The following PNMA3 variants were observed in gnomAD, a reference collection of about 807,000 sequenced individuals.
PNMA3 encodes PNMA family member 3, also known as paraneoplastic antigen Ma3.
A neutral mutation model predicts 25.1 loss-of-function variants in PNMA3; 10 were observed. The observed-to-expected ratio is 0.40, with a 90% CI of 0.25 to 0.68. The LOEUF is 0.68. PNMA3 is among the 30% of genes least tolerant of loss of function. The pLI is 0.40. For missense variants in PNMA3, 317 were observed against 372.1 expected, an observed-to-expected ratio of 0.85 and a Z score of 1.22; for synonymous variants, 134 against 148.7, an observed-to-expected ratio of 0.90 and a Z score of 0.72.
Position 153,058,549 on chromosome X carries a change from A to T in PNMA3, c.*102A>T, listed in dbSNP as rs2051160918. 2 of 1,200,938 alleles carry T rather than the reference A, an allele frequency of 1.7e-6. No homozygotes were observed. Among genetic ancestry groups the T allele is most frequent in the Non-Finnish European group, 2.2e-6 (2 of 890,182 alleles). Reference sequence around the variant, plus strand: ...GCCCAGACAAACAGCAGATGAGTTGAGTGGGGCAGAGGGACAGGGCAGCCA... The same window carrying T: ...GCCCAGACAAACAGCAGATGAGTTGTGTGGGGCAGAGGGACAGGGCAGCCA... On this transcript the variant is annotated 3_prime_UTR_variant, in exon 2 of 2. Transcript: ENST00000593810.
chrX:153,057,835 A>G lies in PNMA3; in HGVS notation c.780A>G (p.Ala260=), dbSNP rs781930445. The G allele has an allele frequency of 1.2e-5, 15 of 1,211,423 alleles. No homozygotes were observed. In the East Asian group the frequency reaches 3.6e-4, roughly 29 times the overall value. Residue 260 remains alanine (A), a synonymous_variant, in exon 2 of 2, where the codon GCA becomes GCG. Coordinates refer to ENST00000593810, the MANE Select transcript of PNMA3 (RefSeq NM_013364.6). The part of the protein sequence containing the change: ...QVKLCKAYQE[A]GEKVSSFVLR... Reference sequence around the variant, plus strand: ...AGTTGTGTAAAGCCTATCAGGAGGCAGGAGAGAAAGTATCTAGCTTTGTGT... The same window carrying G: ...AGTTGTGTAAAGCCTATCAGGAGGCGGGAGAGAAAGTATCTAGCTTTGTGT...
rs1423903240 is a variant in PNMA3, at chrX:153,057,342, G to A, written c.287G>A (p.Arg96His). Residue 96 changes from arginine to histidine, a missense_variant, in exon 2 of 2, where the codon CGT becomes CAT. Coordinates refer to ENST00000593810, the MANE Select transcript of PNMA3 (RefSeq NM_013364.6). Reference protein sequence around the residue: ...GGPWEVIVKPRNSDGEFLNRL... With the variant: ...GGPWEVIVKPHNSDGEFLNRL... The stretch of plus-strand genomic sequence containing the variant: ...CCCTGGGAAGTGATTGTAAAACCCC[G>A]TAACTCAGATGGGGAATTTCTCAAC... The A allele has an allele frequency of 5.8e-6, 7 of 1,210,546 alleles. No individual in the cohort carries two copies. In the African/African-American group the frequency reaches 7.0e-5, roughly 12 times the overall value.
Position 153,058,338 on chromosome X carries a change from T to C in PNMA3, c.1283T>C (p.Ile428Thr), listed in dbSNP as rs148136883. ...GEDGHIRVQC[I>T]NPSNLLLVKQ... Reference sequence around the variant, plus strand: ...GACGGCCACATCAGGGTACAGTGCATCAACCCCTCCAACCTGCTCTTGGTA... The same window carrying C: ...GACGGCCACATCAGGGTACAGTGCACCAACCCCTCCAACCTGCTCTTGGTA... The change falls in exon 2 of 2, where the codon ATC (isoleucine) becomes ACC (threonine). Residue 428 changes from isoleucine to threonine, a missense_variant. Physicochemically the swap from Ile to Thr is moderately conservative, Grantham distance 89 (BLOSUM62 -1). Coordinates refer to ENST00000593810, the MANE Select transcript of PNMA3 (RefSeq NM_013364.6). 31 of 1,210,470 alleles carry C rather than the reference T, an allele frequency of 2.6e-5. No individual in the cohort carries two copies. In the African/African-American group the frequency reaches 4.7e-4, roughly 18 times the overall value.
At position 153,057,028 on chromosome X, in the gene PNMA3, A is replaced by G. The variant is rs1556932020; in HGVS notation, c.-28A>G. 8.4e-7 allele frequency: 1 copy of G among 1,195,939 alleles called. No homozygotes were observed. Among genetic ancestry groups the G allele is most frequent in the Non-Finnish European group, 1.1e-6 (1 of 887,714 alleles). ...GCCTCACGCCCTGATCACTCCCCCC[A>G]AATTAGTATCCGCAGAGATTCGAGG... On this transcript the variant is annotated 5_prime_UTR_variant, in exon 2 of 2. Coordinates refer to ENST00000593810, the MANE Select transcript of PNMA3 (RefSeq NM_013364.6).
At position 153,056,980 on chromosome X, in the gene PNMA3, C is replaced by T; in HGVS notation, c.-76C>T. 1 of 1,160,948 alleles carries T rather than the reference C, an allele frequency of 8.6e-7. No homozygotes were observed. Among genetic ancestry groups the T allele is most frequent in the African/African-American group, 1.8e-5 (1 of 56,621 alleles). ...GGAGACCTGGGCCTTCTGCGATCAC[C>T]CTAGGAGTTGATCCAGATATGTGCC... is the stretch of plus-strand genomic sequence containing the variant. On this transcript the variant is annotated 5_prime_UTR_variant, in exon 2 of 2. Transcript: ENST00000593810.
Position 153,058,696 on chromosome X carries a change from C to A in PNMA3, c.*249C>A. The A allele has an allele frequency of 1.1e-6, 1 of 928,701 alleles. No individual in the cohort carries two copies. Among genetic ancestry groups the A allele is most frequent in the Non-Finnish European group, 1.5e-6 (1 of 677,264 alleles). The allele number at this position is 928,701 out of a possible 1,213,427, so 76.5% of individuals were successfully genotyped here. A position where few individuals can be genotyped will look rare whatever the true frequency, so the allele number is the denominator to read the frequency against. ...CCCGAAGAGGTGCTGGAGAGGAAAG[C>A]AGGGAGCCACTGCATCCAGCACATG... On this transcript the variant is annotated 3_prime_UTR_variant, in exon 2 of 2. Coordinates refer to ENST00000593810, the MANE Select transcript of PNMA3 (RefSeq NM_013364.6).
At position 153,057,928 on chromosome X, in the gene PNMA3, G is replaced by C. The variant is rs981989541; in HGVS notation, c.873G>C (p.Gln291His). ...TGGTATCACGTAGAAACGTGAATCA[G>C]ACTCGCCTGAAACGAGTCTTAAGTG... Reference protein sequence around the residue: ...NNVVSRRNVNQTRLKRVLSGA... With the variant: ...NNVVSRRNVNHTRLKRVLSGA... Residue 291 changes from glutamine (Q) to histidine (H), a missense_variant, in exon 2 of 2, where the codon CAG becomes CAC. Gln to His is a conservative substitution (Grantham distance 24). Transcript: ENST00000593810. 2 of 1,212,577 alleles carry C rather than the reference G, an allele frequency of 1.6e-6. No individual in the cohort carries two copies. Among genetic ancestry groups the C allele is most frequent in the Non-Finnish European group, 2.2e-6 (2 of 895,691 alleles).
In PNMA3 at chrX:153,058,389, A is replaced by G. The variant is rs1387128649; in HGVS notation, c.1334A>G (p.Glu445Gly). 1.7e-6 allele frequency: 2 copies of G among 1,210,755 alleles called. No individual in the cohort carries two copies. The highest frequency in any genetic ancestry group is 2.2e-6 in the Non-Finnish European group (2 of 895,316). The part of the protein sequence containing the change: ...LVKQKKQAAV[E>G]SGNGNWAWDK... The stretch of plus-strand genomic sequence containing the variant: ...AAGCAGAAGAAACAGGCTGCAGTTG[A>G]GTCGGGAAACGGGAACTGGGCTTGG... Residue 445 changes from glutamate (E) to glycine (G), a missense_variant, in exon 2 of 2, where the codon GAG (glutamate) becomes GGG (glycine). By Grantham distance (98) the Glu-to-Gly change is moderately conservative (BLOSUM62 -2). Coordinates refer to ENST00000593810, the MANE Select transcript of PNMA3 (RefSeq NM_013364.6).
intron 1 of PNMA3, 50 bp from the exon 2 acceptor site, chrX:153,056,900 G>T: frequency 1.4e-6 from 1 of 720,338 alleles, no homozygotes; most frequent in South Asian, 3.8e-5. Context: ...GGATGTGGGC[G>T]TGCGGAGAGG....
chrX:153,057,828 A>G lies in PNMA3; in HGVS notation c.773A>G (p.Gln258Arg), dbSNP rs1296168015. 8.2e-7 allele frequency: 1 copy of G among 1,212,529 alleles called. No individual in the cohort carries two copies. Among genetic ancestry groups the G allele is most frequent in the African/African-American group, 1.7e-5 (1 of 58,018 alleles). The change falls in exon 2 of 2, where the codon CAG (glutamine) becomes CGG (arginine). Residue 258 changes from glutamine to arginine, a missense_variant. By Grantham distance (43) the Gln-to-Arg change is conservative (BLOSUM62 1). Coordinates refer to ENST00000593810, the MANE Select transcript of PNMA3 (RefSeq NM_013364.6). ...CAGGTGAAGTTGTGTAAAGCCTATC[A>G]GGAGGCAGGAGAGAAAGTATCTAGC... ...IAQVKLCKAY[Q>R]EAGEKVSSFV...
chrX:153,056,864 CTGGGGGTGGGGG>C lies in PNMA3; in HGVS notation c.-106-75_-106-64del, dbSNP rs1410324060. On this transcript the variant is annotated intron_variant, in intron 1 of 1. Transcript: ENST00000593810. Reference sequence around the variant, plus strand: ...AGGCGCCGCCCGGGGAGGAGGGCGGCTGGGGGTGGGGGTGGGGGTGGGCGTGGATGTGGGCGT... The same window carrying C: ...AGGCGCCGCCCGGGGAGGAGGGCGGCTGGGGGTGGGCGTGGATGTGGGCGT... The C allele has an allele frequency of 6.9e-5, 25 of 363,572 alleles. No homozygotes were observed. In the Admixed American group the frequency reaches 7.3e-4, roughly 11 times the overall value. The allele number at this position is 363,572 out of a possible 1,213,427, so 30.0% of individuals were successfully genotyped here.
rs1275390680 is a variant in PNMA3 at position 153,059,874 on chromosome X, C to T, written c.*1427C>T. ...GCTGTGTGTGTTCTTCTCTGAGCAG[C>T]TCCTCCCCGGAGTCCCCCAGCACAG... On this transcript the variant is annotated 3_prime_UTR_variant, in exon 2 of 2. Transcript: ENST00000593810. The T allele has an allele frequency of 3.2e-5, 4 of 123,510 alleles. No homozygotes were observed. The Admixed American group carries it at 3.7e-4, about 12-fold the overall frequency. 10.2% of individuals were successfully genotyped at this position (123,510 alleles called of 1,213,427 possible). A position where few individuals can be genotyped will look rare whatever the true frequency, so the allele number is the denominator to read the frequency against.
chrX:153,059,382 A>G lies in PNMA3; in HGVS notation c.*935A>G, dbSNP rs1369667006. The G allele has an allele frequency of 2.4e-5, 3 of 123,507 alleles. No individual in the cohort carries two copies. Among genetic ancestry groups the G allele is most frequent in the Non-Finnish European group, 5.6e-5 (3 of 53,326 alleles). The allele number at this position is 123,507 out of a possible 1,213,427, so 10.2% of individuals were successfully genotyped here. A position where few individuals can be genotyped will look rare whatever the true frequency, so the allele number is the denominator to read the frequency against. ...CAATGCCAATTCCAAGGCCAGCCACAACCCTGCCACCTTGGGGAATCCAGC... is the reference window on the plus strand; with the variant it reads ...CAATGCCAATTCCAAGGCCAGCCACGACCCTGCCACCTTGGGGAATCCAGC... On this transcript the variant is annotated 3_prime_UTR_variant, in exon 2 of 2. Transcript: ENST00000593810.
Position 153,057,126 on chromosome X carries a change from T to G in PNMA3, c.71T>G (p.Leu24Arg). Reference sequence around the variant, plus strand: ...AACACCCGGAGGTGCATGCTCATCCTGGGGATCCCCGAGGACTGTGGCGAG... The same window carrying G: ...AACACCCGGAGGTGCATGCTCATCCGGGGGATCCCCGAGGACTGTGGCGAG... ...HLNTRRCMLI[L>R]GIPEDCGEDE... is the part of the protein sequence containing the mutation. The change falls in exon 2 of 2, where the codon CTG becomes CGG. Residue 24 changes from leucine to arginine, a missense_variant. Coordinates refer to ENST00000593810, the MANE Select transcript of PNMA3 (RefSeq NM_013364.6). 2 of 1,212,098 alleles carry G rather than the reference T, an allele frequency of 1.7e-6. No individual in the cohort carries two copies. Among genetic ancestry groups the G allele is most frequent in the Non-Finnish European group, 2.2e-6 (2 of 895,542 alleles).
rs782433636 is a variant in PNMA3, at chrX:153,057,863, C to T, written c.808C>T (p.Arg270Cys). 8.2e-7 allele frequency: 1 copy of T among 1,212,442 alleles called. No homozygotes were observed. Among genetic ancestry groups the T allele is most frequent in the Admixed American group, 2.2e-5 (1 of 46,145 alleles). The change falls in exon 2 of 2, where the codon CGT becomes TGT. Residue 270 changes from arginine to cysteine, a missense_variant. Arg to Cys is a radical substitution (Grantham distance 180). Transcript: ENST00000593810. ...AGAGAAAGTATCTAGCTTTGTGTTA[C>T]GTTTGGAACCCCTGCTCCAAAGAGC... The part of the protein sequence containing the change: ...AGEKVSSFVL[R>C]LEPLLQRAVE...
At position 153,057,661 on chromosome X, in the gene PNMA3, G is replaced by T. The variant is rs200243171; in HGVS notation, c.606G>T (p.Arg202Ser). Residue 202 changes from arginine to serine, a missense_variant, in exon 2 of 2, where the codon AGG becomes AGT. Coordinates refer to ENST00000593810, the MANE Select transcript of PNMA3 (RefSeq NM_013364.6). ...QMWQVPEGEKRRRLMECLRGP... is the reference protein window; with the variant it reads ...QMWQVPEGEKSRRLMECLRGP... ...GGCAGGTGCCCGAGGGGGAAAAGAG[G>T]CGGAGGCTGATGGAATGCTTACGGG... is the stretch of plus-strand genomic sequence containing the variant. 175 of 1,210,064 alleles carry T rather than the reference G, an allele frequency of 1.4e-4. No homozygotes were observed. Among genetic ancestry groups the T allele is most frequent in the Non-Finnish European group, 1.9e-4 (174 of 895,215 alleles).
Position 153,059,853 on chromosome X carries a change from T to C in PNMA3, c.*1406T>C, listed in dbSNP as rs1200659849. The stretch of plus-strand genomic sequence containing the variant: ...GTGGCTGCTTGTTCTTGTGGAGCTG[T>C]GTGTGTTCTTCTCTGAGCAGCTCCT... On this transcript the variant is annotated 3_prime_UTR_variant, in exon 2 of 2. Coordinates refer to ENST00000593810, the MANE Select transcript of PNMA3 (RefSeq NM_013364.6). 1 of 123,216 alleles carries C rather than the reference T, an allele frequency of 8.1e-6. No individual in the cohort carries two copies. The highest frequency in any genetic ancestry group is 1.9e-5 in the Non-Finnish European group (1 of 53,193). 10.2% of individuals were successfully genotyped at this position (123,216 alleles called of 1,213,427 possible). A position where few individuals can be genotyped will look rare whatever the true frequency, so the allele number is the denominator to read the frequency against.
In PNMA3 at chrX:153,057,844, A is replaced by G. The variant is rs782807119; in HGVS notation, c.789A>G (p.Lys263=). 1.6e-6 allele frequency: 2 copies of G among 1,212,470 alleles called. No individual in the cohort carries two copies. Among genetic ancestry groups the G allele is most frequent in the Admixed American group, 4.3e-5 (2 of 46,150 alleles). Reference sequence around the variant, plus strand: ...AAGCCTATCAGGAGGCAGGAGAGAAAGTATCTAGCTTTGTGTTACGTTTGG... The same window carrying G: ...AAGCCTATCAGGAGGCAGGAGAGAAGGTATCTAGCTTTGTGTTACGTTTGG... ...LCKAYQEAGE[K]VSSFVLRLEP... Residue 263 remains lysine (K), a synonymous_variant, in exon 2 of 2, where the codon AAA becomes AAG. Transcript: ENST00000593810.
Position 153,058,361 on chromosome X carries a change from GTA to G in PNMA3, c.1307_1308del (p.Val436GlufsTer9). On this transcript the variant is annotated frameshift_variant, in exon 2 of 2. Transcript: ENST00000593810. LOFTEE classifies it high-confidence loss of function. ...CATCAACCCCTCCAACCTGCTCTTG[GTA>G]AAGCAGAAGAAACAGGCTGCAGTTG... The part of the protein sequence containing the change: ...QCINPSNLLL[V>X]KQKKQAAVES... 1 of 1,212,074 alleles carries G rather than the reference GTA, an allele frequency of 8.3e-7. No individual in the cohort carries two copies. The highest frequency in any genetic ancestry group is 1.1e-6 in the Non-Finnish European group (1 of 895,517).
Sources: gnomAD v4.1 joint callset for allele counts on GRCh38, gnomAD v4.1.1 for gene constraint, MANE v1.5 for transcripts, NCBI Gene and HGNC (gene_info 2026-07-23, HGNC 2026-07-21) for gene names.